Variants in LHFPL3 observed in about 807,000 individuals in gnomAD.
LHFPL3 encodes LHFPL tetraspan subfamily member 3 protein.
A neutral mutation model predicts 19.3 loss-of-function variants in LHFPL3; 5 were observed. The ratio of observed to expected loss-of-function variants is 0.26; its 90% CI spans 0.14 to 0.54. The LOEUF (loss-of-function observed/expected upper bound fraction) is 0.54, where lower values mean the gene tolerates loss of function less well. LHFPL3 is among the 20% of genes least tolerant of loss of function. The pLI is 0.94. For synonymous variants in LHFPL3, 133 were observed against 126.2 expected, an observed-to-expected ratio of 1.05 and a Z score of -0.36; for missense variants, 249 against 307.4, an observed-to-expected ratio of 0.81 and a Z score of 1.42.
chr7:104,866,303 C>T (rs1223553645), intron 2 of LHFPL3, among the ~76,000 whole-genome samples: 1 of 152,000 alleles, frequency 6.6e-6, no homozygotes, highest in Admixed American at 6.6e-5. Context: ...GAGTCAAGAC[C>T]CATCAGTGTG....
intron 1 of LHFPL3, among the ~76,000 whole-genome samples, chr7:104,512,116 A>G (rs564576166): frequency 6.6e-6 from 1 of 151,594 alleles, no homozygotes; most frequent in East Asian, 2.0e-4. Context: ...CACCACACTC[A>G]GCTAATTTTT....
intron 1 of LHFPL3, among the ~76,000 whole-genome samples, chr7:104,429,422 C>G (rs1000601449): frequency 6.8e-6 from 1 of 147,306 alleles, no homozygotes; most frequent in African/African-American, 2.5e-5. Flanking sequence ...ATTCTCCTGT[C>G]TCAGCCTCCC....
At chr7:104,790,305 T>G (rs1297065339) in intron 2 of LHFPL3, among the ~76,000 whole-genome samples, 2 of 152,226 alleles carry the variant, frequency 1.3e-5, no homozygotes, top group African/African-American at 4.8e-5. Context: ...AAGAGGTTTC[T>G]AGAGTTGCCT....
chr7:104,488,600 C>T (rs1793280430), intron 1 of LHFPL3, among the ~76,000 whole-genome samples: 1 of 152,138 alleles, frequency 6.6e-6, no homozygotes, highest in Non-Finnish European at 1.5e-5. Context: ...TATACCTAGC[C>T]TGTCATCCCC....
chr7:104,829,486 C>A (rs13238286), intron 2 of LHFPL3, among the ~76,000 whole-genome samples: 1 of 151,830 alleles, frequency 6.6e-6, no homozygotes, highest in Admixed American at 6.5e-5. Context: ...CCCCATCCCC[C>A]TACCCCACAA....
intron 1 of LHFPL3, among the ~76,000 whole-genome samples, chr7:104,619,220 CTTTG>C (rs1380241562): frequency 7.9e-5 from 12 of 152,280 alleles, no homozygotes; most frequent in Admixed American, 6.5e-4. Context: ...TAACAGTCTT[CTTTG>C]TTTGTCACTA....
intron 2 of LHFPL3, among the ~76,000 whole-genome samples, chr7:104,821,302 C>A (rs1790672561): frequency 6.6e-6 from 1 of 152,180 alleles, no homozygotes. Flanking sequence ...GGGTTCCCTG[C>A]TGACAGCATC....
At chr7:104,514,839 T>A (rs1290425665) in intron 1 of LHFPL3, among the ~76,000 whole-genome samples, 1 of 152,198 alleles carries the variant, frequency 6.6e-6, no homozygotes, top group Non-Finnish European at 1.5e-5. Context: ...ACCAGGAGAC[T>A]GAGCTTAATG....
rs1554349395 is a variant in LHFPL3 at position 104,833,038 on chromosome 7, T to TATCTATTATATATAATAG, written c.683-73147_683-73146insCTATTATATATAATAGAT. ...TTATATATAATAGATATATTATATA[T>TATCTATTATATATAATAG]ATATATTATATATATATTATATATA... On this transcript the variant is annotated intron_variant, in intron 2 of 2. Coordinates refer to ENST00000424859, the MANE Select transcript of LHFPL3 (RefSeq NM_199000.3). 6.0e-4 allele frequency among the ~76,000 whole-genome samples: 13 copies of TATCTATTATATATAATAG among 21,594 alleles called. 1 individual carries two copies. The highest frequency in any genetic ancestry group is 3.5e-3 in the African/African-American group (13 of 3,748). 14.2% of individuals were successfully genotyped at this position (21,594 alleles called of 152,430 possible).
At chr7:104,492,105 G>C (rs577532039) in intron 1 of LHFPL3, among the ~76,000 whole-genome samples, 1 of 152,284 alleles carries the variant, frequency 6.6e-6, no homozygotes, top group African/African-American at 2.4e-5. Context: ...AAGAGTTAAT[G>C]TATTTTAAAA....
chr7:104,656,238 CT>C (rs34805214), intron 1 of LHFPL3, among the ~76,000 whole-genome samples: 58,814 of 149,420 alleles, frequency 0.39, 11,926 homozygotes, highest in East Asian at 0.62. Flanking sequence ...CCACAGAGGA[CT>C]TTTTTTTTTT....
intron 1 of LHFPL3, among the ~76,000 whole-genome samples, chr7:104,643,914 T>TA (rs1429170723): frequency 2.0e-5 from 3 of 152,202 alleles, no homozygotes; most frequent in Admixed American, 2.0e-4. Flanking sequence ...ACCATGATCT[T>TA]ATCCATGAGA....
At chr7:104,524,349 A>T (rs1794141995) in intron 1 of LHFPL3, among the ~76,000 whole-genome samples, 1 of 152,174 alleles carries the variant, frequency 6.6e-6, no homozygotes, top group Admixed American at 6.5e-5. Flanking sequence ...CCAAAGTTAA[A>T]GAGATCTTGA....
chr7:104,668,531 C>G, intron 1 of LHFPL3: 3 of 1,613,184 alleles, frequency 1.9e-6, no homozygotes, highest in Non-Finnish European at 2.5e-6. Context: ...GCAGCAGAGA[C>G]TATGATAGAG....
rs1790578918 is a variant in LHFPL3, at chr7:104,586,362, T to A, written c.446-150313T>A. Among the ~76,000 whole-genome samples the A allele has an allele frequency of 2.0e-5, 3 of 152,130 alleles. No individual in the cohort carries two copies. In the South Asian group the frequency reaches 6.2e-4, roughly 32 times the overall value. On this transcript the variant is annotated intron_variant, in intron 1 of 2. Coordinates refer to ENST00000424859, the MANE Select transcript of LHFPL3 (RefSeq NM_199000.3). ...ACAGCTATTATAATTCACCTATTCCTTCCACCCACAAGTTTCTTCTCCCTG... is the reference window on the plus strand; with the variant it reads ...ACAGCTATTATAATTCACCTATTCCATCCACCCACAAGTTTCTTCTCCCTG...
At chr7:104,760,573 C>A (rs1794354928) in intron 2 of LHFPL3, among the ~76,000 whole-genome samples, 2 of 152,000 alleles carry the variant, frequency 1.3e-5, no homozygotes, top group Admixed American at 1.3e-4. Flanking sequence ...CATATGGCAT[C>A]TTTTTAAAGA....
intron 1 of LHFPL3, among the ~76,000 whole-genome samples, chr7:104,677,264 C>T (rs1322285134): frequency 2.0e-5 from 3 of 151,190 alleles, no homozygotes; most frequent in Non-Finnish European, 2.9e-5. Context: ...ACAGCCCCAA[C>T]ACATTTGGAG....
intron 2 of LHFPL3, among the ~76,000 whole-genome samples, chr7:104,872,883 C>G (rs796271444): frequency 5.9e-5 from 9 of 152,294 alleles, no homozygotes; most frequent in African/African-American, 2.2e-4. Flanking sequence ...ATACCTAAAC[C>G]AGTAACACAA....
At chr7:104,749,754 C>G (rs1257020227) in intron 2 of LHFPL3, among the ~76,000 whole-genome samples, 2 of 152,342 alleles carry the variant, frequency 1.3e-5, no homozygotes, top group African/African-American at 4.8e-5. Context: ...TGTTCATTTG[C>G]TAATAAATGT....
Sources: allele counts gnomAD v4.1 joint callset (sites outside exome capture counted in the v4.1 genomes callset), GRCh38; gene constraint gnomAD v4.1.1; transcripts MANE v1.5; gene names NCBI Gene and HGNC (gene_info 2026-07-23, HGNC 2026-07-21).